The following CORO7 variants were observed in gnomAD, a reference collection of about 807,000 sequenced individuals.
The protein encoded by CORO7 is coronin 7.
In CORO7, 107 loss-of-function variants were observed where a neutral mutation model predicts 126.6. The ratio of observed to expected loss-of-function variants is 0.85; its 90% CI spans 0.72 to 0.99. The LOEUF (loss-of-function observed/expected upper bound fraction) is 0.99, where lower values mean the gene tolerates loss of function less well. Ranked by LOEUF, CORO7 falls within the 50% of genes least tolerant of loss-of-function variation. The pLI is 0.00. For missense variants in CORO7, 1,314 were observed against 1,255.8 expected, an observed-to-expected ratio of 1.05 and a Z score of -0.70; for synonymous variants, 603 against 536.8, an observed-to-expected ratio of 1.12 and a Z score of -1.70.
intron 5 of CORO7, among the ~76,000 whole-genome samples, chr16:4,406,966 G>C (rs2056021869): frequency 6.9e-6 from 1 of 144,958 alleles, no homozygotes; most frequent in Non-Finnish European, 1.5e-5. Context: ...TTATTTTTTT[G>C]AGACGGCATC....
intron 9 of CORO7, among the ~76,000 whole-genome samples, chr16:4,373,670 C>T (rs573770531): frequency 1.3e-5 from 2 of 152,292 alleles, no homozygotes; most frequent in South Asian, 4.1e-4. Context: ...CACTGACAGC[C>T]CCGGGGGAGC....
At chr16:4,365,148 AG>A in intron 10 of CORO7, 88 bp from the exon 11 acceptor site, 1 of 1,530,184 alleles carries the variant, frequency 6.5e-7, no homozygotes, top group Non-Finnish European at 8.8e-7. Context: ...CAGGTCCCCA[AG>A]GACCTGAGCC....
chr16:4,383,165 C>T (rs746612767), intron 9 of CORO7: 73 of 435,934 alleles, frequency 1.7e-4, no homozygotes, highest in Non-Finnish European at 2.7e-4. Flanking sequence ...CGTGCAGTCC[C>T]TGGGCACGGC....
intron 6 of CORO7, chr16:4,397,433 A>C (rs2055637066): frequency 6.6e-6 from 1 of 151,904 alleles, no homozygotes; most frequent in Admixed American, 6.6e-5. Context: ...CAGCCTGGGA[A>C]ACAGACTGAG....
Position 4,413,386 on chromosome 16 carries a change from G to C in CORO7, c.79C>G (p.Arg27Gly), listed in dbSNP as rs753411850. ...CTGCATGAAGGGGCGGTTCCTGCTCGAATGTCACTGATCCAGGACTGAAAA... is the reference window on the plus strand; with the variant it reads ...CTGCATGAAGGGGCGGTTCCTGCTCCAATGTCACTGATCCAGGACTGAAAA... ...PRRESWISDI[R>G]AGTAPSCRNH... is the part of the protein sequence containing the mutation. The change falls in exon 2 of 28, where the codon CGA becomes GGA. Residue 27 changes from arginine to glycine, a missense_variant. By Grantham distance (125) the Arg-to-Gly change is moderately radical (BLOSUM62 -2). Coordinates refer to ENST00000251166, the MANE Select transcript of CORO7 (RefSeq NM_024535.5). 1 of 1,575,422 alleles carries C rather than the reference G, an allele frequency of 6.3e-7. No individual in the cohort carries two copies.
chr16:4,359,819 C>CCCAT (rs1426969549), intron 21 of CORO7, among the ~76,000 whole-genome samples, 198 bp from the exon 22 acceptor site: 1 of 151,882 alleles, frequency 6.6e-6, no homozygotes, highest in Non-Finnish European at 1.5e-5. Flanking sequence ...TAATCACTCA[C>CCCAT]CCATCCATCT....
rs750038945 is a variant in CORO7, at chr16:4,359,540, A to G, written c.2190T>C (p.Ala730=). ...CGTAGCTGGGCAGCAGGGTTGAGGG[A>G]GCCACGTCCAGGCCCAACACTGCCA... The part of the protein sequence containing the change: ...GPLAVLGLDV[A]PSTLLPSYDP... Residue 730 remains alanine (A), a synonymous_variant, in exon 22 of 28, where the codon GCT becomes GCC. Coordinates refer to ENST00000251166, the MANE Select transcript of CORO7 (RefSeq NM_024535.5). 6.2e-7 allele frequency: 1 copy of G among 1,613,226 alleles called. No individual in the cohort carries two copies. The highest frequency in any genetic ancestry group is 1.1e-5 in the South Asian group (1 of 91,062).
At chr16:4,361,291 C>T (rs777749611) in intron 17 of CORO7, 43 bp from the exon 18 acceptor site, 2 of 1,610,842 alleles carry the variant, frequency 1.2e-6, no homozygotes, top group South Asian at 2.2e-5. Flanking sequence ...GAGCCCAAGA[C>T]CTCTGGGCTC....
chr16:4,407,666 G>T lies in CORO7; in HGVS notation c.322C>A (p.Pro108Thr), dbSNP rs145512278. ...GAGGGCAGGGCCTGGCCAGGCCCTG[G>T]CAGTCGCCAGAGTTTTACCTGCAAG... ...ADRTVKLWRLPGPGQALPSAP... is the reference protein window; with the variant it reads ...ADRTVKLWRLTGPGQALPSAP... The change falls in exon 5 of 28, where the codon CCA (proline) becomes ACA (threonine). Residue 108 changes from proline to threonine, a missense_variant. Coordinates refer to ENST00000251166, the MANE Select transcript of CORO7 (RefSeq NM_024535.5). The T allele has an allele frequency of 3.8e-6, 6 of 1,594,396 alleles. No homozygotes were observed. The African/African-American group carries it at 8.1e-5, about 22-fold the overall frequency.
chr16:4,360,021 C>T (rs910123689), intron 21 of CORO7, among the ~76,000 whole-genome samples: 1 of 140,480 alleles, frequency 7.1e-6, no homozygotes, highest in Non-Finnish European at 1.5e-5. Flanking sequence ...ACTCATCCAT[C>T]GATCTCTCCC....
chr16:4,382,810 C>A (rs779676399), intron 9 of CORO7: 7 of 1,594,562 alleles, frequency 4.4e-6, no homozygotes, highest in Non-Finnish European at 6.0e-6. Context: ...TGGAGAGGCC[C>A]TGCCCAGCGG....
Position 4,359,605 on chromosome 16 carries a change from G to A in CORO7, c.2125C>T (p.Leu709=), listed in dbSNP as rs924951792. 1.2e-6 allele frequency: 2 copies of A among 1,601,734 alleles called. No individual in the cohort carries two copies. Among genetic ancestry groups the A allele is most frequent in the South Asian group, 2.2e-5 (2 of 90,306 alleles). Residue 709 remains leucine, a synonymous_variant, in exon 22 of 28, where the codon CTG becomes TTG. Coordinates refer to ENST00000251166, the MANE Select transcript of CORO7 (RefSeq NM_024535.5). The part of the protein sequence containing the change: ...SGFDSQSERQ[L]LLYEAEALAG... ...AGGGCCTCAGCTTCATATAGGAGCA[G>A]CTGGCGCTCACTTTGGCTGCAAGGG...
rs914100307 is a variant in CORO7 at position 4,364,662 on chromosome 16, G to T, written c.1072C>A (p.Pro358Thr). Reference protein sequence around the residue: ...KAVEFHEDLFPDTAGCVPATD... With the variant: ...KAVEFHEDLFTDTAGCVPATD... ...GCAGGCACACAGCCGGCAGTGTCCG[G>T]GAACAGGTCCTCGTGGAACTCCACA... The change falls in exon 13 of 28, where the codon CCG becomes ACG. Residue 358 changes from proline (P) to threonine (T), a missense_variant. Physicochemically the swap from Pro to Thr is conservative, Grantham distance 38. Coordinates refer to ENST00000251166, the MANE Select transcript of CORO7 (RefSeq NM_024535.5). 12 of 1,582,332 alleles carry T rather than the reference G, an allele frequency of 7.6e-6. No homozygotes were observed. In the African/African-American group the frequency reaches 1.3e-4, roughly 18 times the overall value.
chr16:4,357,210 C>G lies in CORO7; in HGVS notation c.2643G>C (p.Ala881=). ...EAPARRAPSS[A]QYLEEKSDQQ... is the part of the protein sequence containing the mutation. ...GGTCAGACTTTTCTTCCAGGTACTGCGCTGAGGATGGGGCCCGACGAGCAG... is the reference window on the plus strand; with the variant it reads ...GGTCAGACTTTTCTTCCAGGTACTGGGCTGAGGATGGGGCCCGACGAGCAG... The change falls in exon 26 of 28, where the codon GCG becomes GCC. Residue 881 remains alanine, a synonymous_variant. Transcript: ENST00000251166. The G allele has an allele frequency of 6.2e-7, 1 of 1,613,868 alleles. No homozygotes were observed. The highest frequency in any genetic ancestry group is 1.1e-5 in the South Asian group (1 of 91,066).
intron 9 of CORO7, among the ~76,000 whole-genome samples, chr16:4,386,286 T>C (rs755004182): frequency 6.6e-6 from 1 of 152,156 alleles, no homozygotes; most frequent in Non-Finnish European, 1.5e-5. Flanking sequence ...AGTGGCACCG[T>C]GAGGTCTGGG....
chr16:4,364,798 T>C lies in CORO7; in HGVS notation c.1021A>G (p.Ile341Val), dbSNP rs757023857. Residue 341 changes from isoleucine to valine, a missense_variant, in exon 12 of 28, where the codon ATC (isoleucine) becomes GTC (valine). Ile to Val is a conservative substitution (Grantham distance 29). Coordinates refer to ENST00000251166, the MANE Select transcript of CORO7 (RefSeq NM_024535.5). ...ACCTTGCGGGGCACATGGTAGCCGATGGGCACGATGGCTGTGTCGCTCAGC... is the reference window on the plus strand; with the variant it reads ...ACCTTGCGGGGCACATGGTAGCCGACGGGCACGATGGCTGTGTCGCTCAGC... The part of the protein sequence containing the change: ...LQLSDTAIVP[I>V]GYHVPRKAVE... 6.2e-6 allele frequency: 10 copies of C among 1,611,646 alleles called. No individual in the cohort carries two copies. The Admixed American group carries it at 1.5e-4, about 24-fold the overall frequency.
Position 4,362,157 on chromosome 16 carries a change from G to A in CORO7, c.1406C>T (p.Pro469Leu). 6.2e-7 allele frequency: 1 copy of A among 1,605,682 alleles called. No homozygotes were observed. ...CTGAGCATGGCGGAACTTGGAACTG[G>A]GGCCTGGCAGGTGGCAGGGACATGG... ...SLRSLQSLLGPSSKFRHAQGT... is the reference protein window; with the variant it reads ...SLRSLQSLLGLSSKFRHAQGT... Residue 469 changes from proline to leucine, a missense_variant, in exon 16 of 28, where the codon CCC becomes CTC. Physicochemically the swap from Pro to Leu is moderately conservative, Grantham distance 98 (BLOSUM62 -3). Transcript: ENST00000251166. This position sits in a 1 kb window ranked among gnomAD's most constrained non-coding sequence, Gnocchi z 5.3.
rs1179494686 is a variant in CORO7, at chr16:4,364,262, G to C, written c.1275+14C>G. ...GTGTCGCTGAGGGAGGATGGGGGCG[G>C]CCCTGGTACTTACGCTTGCGTCTGC... On this transcript the variant is annotated intron_variant, in intron 14 of 27. Coordinates refer to ENST00000251166, the MANE Select transcript of CORO7 (RefSeq NM_024535.5). The C allele has an allele frequency of 6.6e-7, 1 of 1,523,090 alleles. No homozygotes were observed. Among genetic ancestry groups the C allele is most frequent in the Non-Finnish European group, 8.8e-7 (1 of 1,138,638 alleles). 94.3% of individuals were successfully genotyped at this position (1,523,090 alleles called of 1,614,324 possible).
At chr16:4,365,648 C>T (rs1423603440) in intron 9 of CORO7, 103 bp from the exon 10 acceptor site, 15 of 1,462,072 alleles carry the variant, frequency 1.0e-5, no homozygotes, top group African/African-American at 7.0e-5. Context: ...GACTGGGAGC[C>T]GCTTGGCCAT....
Sources: allele counts gnomAD v4.1 joint callset (sites outside exome capture counted in the v4.1 genomes callset), GRCh38; gene constraint gnomAD v4.1.1; non-coding constraint Gnocchi (gnomAD v3.1); transcripts MANE v1.5; gene names NCBI Gene and HGNC (gene_info 2026-07-23, HGNC 2026-07-21).